FIGN: variants seen among roughly 807,000 people sequenced by gnomAD.
FIGN encodes fidgetin.
Under a neutral mutation model 51.3 loss-of-function variants are expected in FIGN, and 11 were observed. The ratio of observed to expected loss-of-function variants is 0.21; its 90% CI spans 0.13 to 0.35. The LOEUF (loss-of-function observed/expected upper bound fraction) is 0.35. FIGN is among the 10% of genes least tolerant of loss of function. The pLI, the probability that FIGN is intolerant of heterozygous loss-of-function variation, is 1.00. For missense variants in FIGN, 857 were observed against 943.6 expected (o/e 0.91, Z 1.20); for synonymous variants, 407 against 363.2 (o/e 1.12, Z -1.37).
rs140591326 is a variant in FIGN, at chr2:163,713,051, T to C, written c.25+21852A>G. ...AACTCTGAGGATGAGGAAAAGTAGC[T>C]TAAGTAATATTTATTAGAAGATTTG... On this transcript the variant is annotated intron_variant, in intron 2 of 2. Coordinates refer to ENST00000333129, the MANE Select transcript of FIGN (RefSeq NM_018086.4). 6.0e-3 allele frequency among the ~76,000 whole-genome samples: 917 copies of C among 152,292 alleles called. 14 individuals are homozygous for C. The highest frequency in any genetic ancestry group is 0.021 in the African/African-American group (864 of 41,566).
chr2:163,609,928 T>G lies in FIGN; in HGVS notation c.1904A>C (p.Glu635Ala). Residue 635 changes from glutamate to alanine, a missense_variant, in exon 3 of 3, where the codon GAA (glutamate) becomes GCA (alanine). Glu to Ala is a moderately radical substitution (Grantham distance 107, BLOSUM62 -1). Coordinates refer to ENST00000333129, the MANE Select transcript of FIGN (RefSeq NM_018086.4). ...VVICATSKPE[E>A]IDESLRRYFM... ...GTACCTCCGAAGGGATTCATCTATT[T>G]CTTCTGGTTTACTGGTGGCACAAAT... The G allele has an allele frequency of 6.2e-7, 1 of 1,614,048 alleles. No homozygotes were observed. Among genetic ancestry groups the G allele is most frequent in the Non-Finnish European group, 8.5e-7 (1 of 1,180,026 alleles).
Position 163,610,714 on chromosome 2 carries a change from G to T in FIGN, c.1118C>A (p.Ser373Tyr), listed in dbSNP as rs1054122780. The T allele has an allele frequency of 6.8e-6, 11 of 1,614,178 alleles. No individual in the cohort carries two copies. Among genetic ancestry groups the T allele is most frequent in the South Asian group, 1.1e-5 (1 of 91,082 alleles). ...NGFDRSAETSSLAFKPTKQLM... is the reference protein window; with the variant it reads ...NGFDRSAETSYLAFKPTKQLM... ...CTGCTTCGTTGGCTTAAATGCTAAGGATGATGTTTCAGCACTTCTGTCAAA... is the reference window on the plus strand; with the variant it reads ...CTGCTTCGTTGGCTTAAATGCTAAGTATGATGTTTCAGCACTTCTGTCAAA... Residue 373 changes from serine to tyrosine, a missense_variant, in exon 3 of 3, where the codon TCC becomes TAC. Ser to Tyr is a moderately radical substitution (Grantham distance 144, BLOSUM62 -2). Around this residue, in one of 3 missense-constraint regions of FIGN, gnomAD observed 799 missense variants for 849.5 expected, o/e 0.94. Coordinates refer to ENST00000333129, the MANE Select transcript of FIGN (RefSeq NM_018086.4).
rs1691174849 is a variant in FIGN, at chr2:163,609,263, T to G, written c.*289A>C. ...GAATCAACACACGAGGTTCATGTCCTTCTGAAATCAACACACTTGCACCTT... is the reference window on the plus strand; with the variant it reads ...GAATCAACACACGAGGTTCATGTCCGTCTGAAATCAACACACTTGCACCTT... On this transcript the variant is annotated 3_prime_UTR_variant, in exon 3 of 3. Coordinates refer to ENST00000333129, the MANE Select transcript of FIGN (RefSeq NM_018086.4). The G allele has an allele frequency of 2.8e-6, 1 of 357,382 alleles. No individual in the cohort carries two copies. Among genetic ancestry groups the G allele is most frequent in the Non-Finnish European group, 5.0e-6 (1 of 198,604 alleles). 22.1% of individuals were successfully genotyped at this position (357,382 alleles called of 1,614,324 possible).
intron 2 of FIGN, among the ~76,000 whole-genome samples, chr2:163,683,731 G>A (rs2105340672): frequency 6.6e-6 from 1 of 152,298 alleles, no homozygotes; most frequent in East Asian, 1.9e-4. Flanking sequence ...AGCCTGGGCA[G>A]TGAGATTTTT....
intron 2 of FIGN, among the ~76,000 whole-genome samples, chr2:163,732,623 AC>A (rs1288822618): frequency 1.3e-5 from 2 of 152,228 alleles, no homozygotes; most frequent in African/African-American, 4.8e-5. Context: ...TTCCCCTTCA[AC>A]CTTTCAACTG....
intron 2 of FIGN, among the ~76,000 whole-genome samples, chr2:163,657,382 G>C (rs1318635260): frequency 2.0e-5 from 3 of 152,058 alleles, no homozygotes; most frequent in Non-Finnish European, 2.9e-5. Context: ...GAAAACCTAC[G>C]CATTGATGAA....
chr2:163,645,508 A>G (rs993784916), intron 2 of FIGN, among the ~76,000 whole-genome samples: 1 of 152,188 alleles, frequency 6.6e-6, no homozygotes, highest in Non-Finnish European at 1.5e-5. Flanking sequence ...AGAAACAGGT[A>G]TTATGGCTTC....
At chr2:163,685,124 A>G (rs915413748) in intron 2 of FIGN, among the ~76,000 whole-genome samples, 2 of 152,048 alleles carry the variant, frequency 1.3e-5, no homozygotes, top group African/African-American at 4.8e-5. Flanking sequence ...TGATGACTAG[A>G]AGAGTCATAT....
chr2:163,657,500 C>G (rs202044880), intron 2 of FIGN, among the ~76,000 whole-genome samples: 3 of 147,426 alleles, frequency 2.0e-5, no homozygotes, highest in Non-Finnish European at 3.0e-5. Context: ...CAGAGGGAGT[C>G]TGTGTGTGTG....
intron 2 of FIGN, among the ~76,000 whole-genome samples, chr2:163,701,074 A>G (rs11890014): frequency 0.035 from 5,316 of 152,228 alleles, 312 homozygotes; most frequent in African/African-American, 0.12. Context: ...AGGGAAAAAA[A>G]TTTGCATTTC....
rs1341910054 is a variant in FIGN at position 163,609,592 on chromosome 2, A to G, written c.2240T>C (p.Met747Thr). The change falls in exon 3 of 3, where the codon ATG becomes ACG. Residue 747 changes from methionine (M) to threonine (T), a missense_variant. Met to Thr is a moderately conservative substitution (Grantham distance 81). This residue lies in a region of FIGN where 799 missense variants were observed against 849.5 expected (regional missense o/e 0.94). Coordinates refer to ENST00000333129, the MANE Select transcript of FIGN (RefSeq NM_018086.4). Reference protein sequence around the residue: ...QPSISQKELDMYVEWNKMFGC... With the variant: ...QPSISQKELDTYVEWNKMFGC... ...AAACATTTTGTTCCATTCAACATAC[A>G]TATCAAGCTCCTTTTGAGATATGCT... The G allele has an allele frequency of 3.1e-6, 5 of 1,613,914 alleles. No homozygotes were observed. The highest frequency in any genetic ancestry group is 3.3e-5 in the Admixed American group (2 of 59,988).
intron 2 of FIGN, among the ~76,000 whole-genome samples, chr2:163,633,123 G>T (rs573607324): frequency 1.3e-5 from 2 of 152,090 alleles, no homozygotes; most frequent in African/African-American, 4.8e-5. Context: ...ACTGGAGGCC[G>T]CAGTGAGCCA....
chr2:163,709,480 A>G (rs1201843923), intron 2 of FIGN, among the ~76,000 whole-genome samples: 1 of 152,174 alleles, frequency 6.6e-6, no homozygotes, highest in Non-Finnish European at 1.5e-5. Context: ...CCCAGGCCAG[A>G]TAATCAAGCA....
In FIGN at chr2:163,609,283, C is replaced by A. The variant is rs755544545; in HGVS notation, c.*269G>T. On this transcript the variant is annotated 3_prime_UTR_variant, in exon 3 of 3. Coordinates refer to ENST00000333129, the MANE Select transcript of FIGN (RefSeq NM_018086.4). ...TGTCCTTCTGAAATCAACACACTTG[C>A]ACCTTGCTCCTTGGTGAGTGTTGTC... The A allele has an allele frequency of 1.0e-4, 43 of 421,266 alleles. No homozygotes were observed. Among genetic ancestry groups the A allele is most frequent in the Non-Finnish European group, 1.7e-4 (41 of 238,016 alleles). 26.1% of individuals were successfully genotyped at this position (421,266 alleles called of 1,614,324 possible).
At chr2:163,619,512 A>G (rs1226652726) in intron 2 of FIGN, among the ~76,000 whole-genome samples, 5 of 152,156 alleles carry the variant, frequency 3.3e-5, no homozygotes, top group Admixed American at 3.3e-4. Flanking sequence ...CCATAGCAAG[A>G]AAATATTCAC....
chr2:163,612,586 T>TG, intron 2 of FIGN: 1 of 977,928 alleles, frequency 1.0e-6, no homozygotes, highest in Non-Finnish European at 1.2e-6. Context: ...GTTGAGTCTC[T>TG]GAAAAAAAAA....
At chr2:163,725,125 C>T (rs961282533) in intron 2 of FIGN, among the ~76,000 whole-genome samples, 1 of 151,992 alleles carries the variant, frequency 6.6e-6, no homozygotes, top group Non-Finnish European at 1.5e-5. Context: ...TAATATAAAC[C>T]CTAATATTAT....
chr2:163,725,161 T>C (rs1321622021), intron 2 of FIGN, among the ~76,000 whole-genome samples: 1 of 152,138 alleles, frequency 6.6e-6, no homozygotes, highest in African/African-American at 2.4e-5. Flanking sequence ...AAACTACTTC[T>C]CATGATCTAA....
rs1162100117 is a variant in FIGN, at chr2:163,604,133, A to G, written c.*5419T>C. ...TTATATCAGGAGTCACAGAATTAAA[A>G]TGAAGGCATTTTCAATCACTGAAGA... is the stretch of plus-strand genomic sequence containing the variant. On this transcript the variant is annotated 3_prime_UTR_variant, in exon 3 of 3. Transcript: ENST00000333129. The G allele has an allele frequency of 6.6e-6, 1 of 152,098 alleles. No homozygotes were observed. The highest frequency in any genetic ancestry group is 1.5e-5 in the Non-Finnish European group (1 of 67,984). The allele number at this position is 152,098 out of a possible 1,614,324, so 9.4% of individuals were successfully genotyped here.
Sources: gnomAD v4.1 joint callset for allele counts (sites outside exome capture counted in the v4.1 genomes callset) on GRCh38, gnomAD v4.1.1 for gene constraint, gnomAD v4.1.1 regional missense constraint, MANE v1.5 for transcripts, NCBI Gene and HGNC (gene_info 2026-07-23, HGNC 2026-07-21) for gene names.